The following JHY variants were observed in gnomAD, a reference collection of about 807,000 sequenced individuals.
JHY encodes jhy protein homolog.
In JHY, 69 loss-of-function variants were observed where a neutral mutation model predicts 78.0. That is an observed-to-expected ratio of 0.88 (90% CI 0.73 to 1.08). The LOEUF is 1.08. Ranked by LOEUF, JHY falls within the 50% of genes least tolerant of loss-of-function variation. JHY has a pLI of 0.00. For synonymous variants in JHY, 368 were observed against 342.6 expected, an observed-to-expected ratio of 1.07 and a Z score of -0.82; for missense variants, 944 against 927.8, an observed-to-expected ratio of 1.02 and a Z score of -0.23.
chr11:122,886,173 G>T lies in JHY; in HGVS notation c.324G>T (p.Trp108Cys). Residue 108 changes from tryptophan (W) to cysteine (C), a missense_variant, in exon 2 of 9, where the codon TGG becomes TGT. Transcript: ENST00000227349. ...CTCGCGAGCAAAACCACCATACCTG[G>T]GACCAGGGCGCCAATAACAGGTAAG... Reference protein sequence around the residue: ...QMAREQNHHTWDQGANNRQQP... With the variant: ...QMAREQNHHTCDQGANNRQQP... 1 of 1,610,960 alleles carries T rather than the reference G, an allele frequency of 6.2e-7. No individual in the cohort carries two copies. Among genetic ancestry groups the T allele is most frequent in the Non-Finnish European group, 8.5e-7 (1 of 1,178,130 alleles).
intron 3 of JHY, among the ~76,000 whole-genome samples, chr11:122,918,424 G>A (rs1191270764): frequency 6.6e-6 from 1 of 151,478 alleles, no homozygotes; most frequent in East Asian, 1.9e-4. Context: ...TTGCTGAGGT[G>A]TTGGGAAATC....
In JHY at chr11:122,961,855, C is replaced by A. The variant is rs1182536235; in HGVS notation, c.*2410C>A. Among the ~76,000 whole-genome samples, 2 of 152,096 alleles carry A rather than the reference C, an allele frequency of 1.3e-5. No homozygotes were observed. The highest frequency in any genetic ancestry group is 2.9e-5 in the Non-Finnish European group (2 of 68,008). On this transcript the variant is annotated 3_prime_UTR_variant, in exon 9 of 9. Coordinates refer to ENST00000227349, the MANE Select transcript of JHY (RefSeq NM_024806.4). ...CTGTGCCTGCTCAGATAGAACAAATCCTAATGTTGTTCTAACAGAGCATCA... is the reference window on the plus strand; with the variant it reads ...CTGTGCCTGCTCAGATAGAACAAATACTAATGTTGTTCTAACAGAGCATCA...
At chr11:122,897,844 C>T (rs1044204567) in intron 2 of JHY, among the ~76,000 whole-genome samples, 1 of 152,128 alleles carries the variant, frequency 6.6e-6, no homozygotes, top group South Asian at 2.1e-4. Flanking sequence ...CTTAGCATAA[C>T]GGCAGAGATG....
At chr11:122,948,246 C>T (rs1437710560) in intron 6 of JHY, among the ~76,000 whole-genome samples, 1 of 151,492 alleles carries the variant, frequency 6.6e-6, no homozygotes, top group South Asian at 2.1e-4. Flanking sequence ...GAGTTCGAGA[C>T]CAGCTTGGAC....
chr11:122,957,811 T>TCACA (rs113733119), intron 8 of JHY, among the ~76,000 whole-genome samples: 17,235 of 149,746 alleles, frequency 0.12, 992 homozygotes, highest in East Asian at 0.19. Context: ...ACACACACAG[T>TCACA]CACACACACA....
intron 3 of JHY, among the ~76,000 whole-genome samples, chr11:122,918,524 G>A (rs935307048): frequency 6.6e-6 from 1 of 151,356 alleles, no homozygotes; most frequent in Non-Finnish European, 1.5e-5. Context: ...GGAGAAAGAG[G>A]ATTTCTGGAA....
rs189151072 is a variant in JHY, at chr11:122,918,563, A to G, written c.865-6334A>G. 1.5e-4 allele frequency among the ~76,000 whole-genome samples: 22 copies of G among 151,600 alleles called. 1 individual carries two copies. Among genetic ancestry groups the G allele is most frequent in the African/African-American group, 4.9e-4 (20 of 40,896 alleles). On this transcript the variant is annotated intron_variant, in intron 3 of 8. Transcript: ENST00000227349. ...GGAGTAGCAAATGCAAATTTCAGGGACTGAAGATGGGAACAAGGGAGAGTG... is the reference window on the plus strand; with the variant it reads ...GGAGTAGCAAATGCAAATTTCAGGGGCTGAAGATGGGAACAAGGGAGAGTG...
rs1863168643 is a variant in JHY, at chr11:122,913,237, A to T, written c.864+8793A>T. The stretch of plus-strand genomic sequence containing the variant: ...TGTCCTAGGGATTACAGAACGCTAC[A>T]ATCTTGTATGCAACTAGTTGACAGT... On this transcript the variant is annotated intron_variant, in intron 3 of 8. Coordinates refer to ENST00000227349, the MANE Select transcript of JHY (RefSeq NM_024806.4). Among the ~76,000 whole-genome samples, 3 of 151,920 alleles carry T rather than the reference A, an allele frequency of 2.0e-5. No homozygotes were observed. In the South Asian group the frequency reaches 6.2e-4, roughly 32 times the overall value.
intron 2 of JHY, among the ~76,000 whole-genome samples, chr11:122,888,899 C>G (rs1862551052): frequency 6.6e-6 from 1 of 152,124 alleles, no homozygotes; most frequent in Non-Finnish European, 1.5e-5. Context: ...AAGACATGGT[C>G]TTGGTTGAAT....
intron 6 of JHY, 174 bp downstream of exon 6, chr11:122,946,966 C>T: frequency 1.5e-6 from 1 of 652,276 alleles, no homozygotes; most frequent in Non-Finnish European, 2.4e-6. Flanking sequence ...CTGGGGTTTC[C>T]CTCCCCTTCT....
chr11:122,905,506 A>G, intron 3 of JHY: 2 of 1,155,610 alleles, frequency 1.7e-6, no homozygotes, highest in Non-Finnish European at 2.1e-6. Context: ...AGCATTTTCT[A>G]ATGGAACAAA....
intron 3 of JHY, among the ~76,000 whole-genome samples, chr11:122,922,425 G>T (rs1413027278): frequency 6.6e-6 from 1 of 151,998 alleles, no homozygotes; most frequent in African/African-American, 2.4e-5. Context: ...CAGGAATGAG[G>T]GTATCTTCAT....
intron 5 of JHY, among the ~76,000 whole-genome samples, chr11:122,939,011 C>T (rs1212309904): frequency 5.4e-5 from 8 of 146,840 alleles, no homozygotes; most frequent in African/African-American, 1.0e-4. Flanking sequence ...TTTCCGGAGA[C>T]GGAGTCTCAC....
At chr11:122,937,310 T>C (rs1208508900) in intron 5 of JHY, among the ~76,000 whole-genome samples, 1 of 151,768 alleles carries the variant, frequency 6.6e-6, no homozygotes, top group African/African-American at 2.4e-5. Flanking sequence ...ATTCTCTCTG[T>C]ACATATAGCT....
At chr11:122,941,034 C>T (rs1326305340) in intron 5 of JHY, among the ~76,000 whole-genome samples, 1 of 152,106 alleles carries the variant, frequency 6.6e-6, no homozygotes, top group Non-Finnish European at 1.5e-5. Flanking sequence ...CTTTTGTCTT[C>T]GAGCACTTCT....
chr11:122,919,831 T>TA (rs961012569), intron 3 of JHY, among the ~76,000 whole-genome samples: 19 of 150,164 alleles, frequency 1.3e-4, no homozygotes, highest in African/African-American at 2.7e-4. Flanking sequence ...ATATGAAAAA[T>TA]AAAAAAAAAC....
At chr11:122,887,314 C>T (rs3107613) in intron 2 of JHY, among the ~76,000 whole-genome samples, 144,019 of 152,306 alleles carry the variant, frequency 0.95, 68,170 homozygotes, top group Middle Eastern at 0.98. Flanking sequence ...TAAATTATAT[C>T]GTGTTAGTTT....
At chr11:122,908,737 C>T (rs1266772286) in intron 3 of JHY, among the ~76,000 whole-genome samples, 5 of 152,272 alleles carry the variant, frequency 3.3e-5, no homozygotes, top group East Asian at 1.9e-4. Flanking sequence ...CTCACTCTGT[C>T]GCCCAGGCTG....
chr11:122,915,003 G>A (rs1333236521), intron 3 of JHY, among the ~76,000 whole-genome samples: 1 of 151,764 alleles, frequency 6.6e-6, no homozygotes, highest in African/African-American at 2.4e-5. Flanking sequence ...ATGATCTATA[G>A]AGTGACACTT....
Sources: allele counts gnomAD v4.1 joint callset (sites outside exome capture counted in the v4.1 genomes callset), GRCh38; gene constraint gnomAD v4.1.1; transcripts MANE v1.5; gene names NCBI Gene and HGNC (gene_info 2026-07-23, HGNC 2026-07-21).